SPSB4: variants seen among roughly 807,000 people sequenced by gnomAD.
SPSB4 encodes splA/ryanodine receptor domain and SOCS box containing 4.
SPSB4 carries 21 observed loss-of-function variants against 20.9 expected under a neutral mutation model. The observed-to-expected ratio is 1.01, with a 90% CI of 0.71 to 1.45. The LOEUF is 1.45. Ranked by LOEUF, SPSB4 falls within the 40% of genes most tolerant of loss-of-function variation. The probability of loss-of-function intolerance (pLI) is 0.00; values close to 1 mark genes in which losing one functional copy is unlikely to be tolerated. For synonymous variants in SPSB4, 207 were observed against 183.8 expected (o/e 1.13, Z -1.02); for missense variants, 399 against 399.2 (o/e 1.00, Z 0.00).
At chr3:141,141,954 C>T (rs1359406761) in intron 2 of SPSB4, among the ~76,000 whole-genome samples, 1 of 152,114 alleles carries the variant, frequency 6.6e-6, no homozygotes, top group Non-Finnish European at 1.5e-5. Flanking sequence ...TGGTTATTCT[C>T]ATTAATGGTC....
At chr3:141,070,324 G>A (rs1937975740) in intron 2 of SPSB4, among the ~76,000 whole-genome samples, 1 of 151,974 alleles carries the variant, frequency 6.6e-6, no homozygotes, top group Non-Finnish European at 1.5e-5. Flanking sequence ...TGTTGTTGTT[G>A]TTTTTTGTTT....
Position 141,066,245 on chromosome 3 carries a change from G to T in SPSB4, c.141G>T (p.Gly47=), listed in dbSNP as rs1937869597. The T allele has an allele frequency of 2.6e-6, 4 of 1,534,700 alleles. No individual in the cohort carries two copies. The highest frequency in any genetic ancestry group is 3.5e-6 in the Non-Finnish European group (4 of 1,141,512). The part of the protein sequence containing the change: ...LDQLLDMPAA[G]LAVQLRHAWN... ...AGCTGTTGGACATGCCAGCGGCGGG[G>T]CTGGCTGTGCAGCTGCGGCACGCGT... is the stretch of plus-strand genomic sequence containing the variant. Residue 47 remains glycine, a synonymous_variant, in exon 2 of 3, where the codon GGG becomes GGT. Transcript: ENST00000310546.
At chr3:141,071,394 T>A (rs374706499) in intron 2 of SPSB4, among the ~76,000 whole-genome samples, 4 of 152,174 alleles carry the variant, frequency 2.6e-5, no homozygotes, top group African/African-American at 9.6e-5. Flanking sequence ...GGCCTTGGGG[T>A]CCCTGGCAGC....
intron 2 of SPSB4, among the ~76,000 whole-genome samples, chr3:141,145,711 T>C (rs1176972159): frequency 6.6e-6 from 1 of 152,202 alleles, no homozygotes; most frequent in African/African-American, 2.4e-5. Context: ...CCTGGAGGAC[T>C]GGGGAAACCA....
At chr3:141,090,360 A>G (rs1248115206) in intron 2 of SPSB4, among the ~76,000 whole-genome samples, 1 of 152,230 alleles carries the variant, frequency 6.6e-6, no homozygotes. Flanking sequence ...CAGTCAGTAA[A>G]TGAACAGTAA....
At chr3:141,134,056 CTT>C (rs1222303281) in intron 2 of SPSB4, among the ~76,000 whole-genome samples, 119 of 61,622 alleles carry the variant, frequency 1.9e-3, no homozygotes, top group African/African-American at 3.8e-3. Context: ...TTTCTTTTTT[CTT>C]TTTTTTTTTT....
chr3:141,083,224 C>A (rs1045728982), intron 2 of SPSB4, among the ~76,000 whole-genome samples: 1 of 152,162 alleles, frequency 6.6e-6, no homozygotes, highest in African/African-American at 2.4e-5. Context: ...GCCTGGCCAG[C>A]TTATTTGATG....
At chr3:141,078,716 G>T (rs1008227431) in intron 2 of SPSB4, among the ~76,000 whole-genome samples, 1 of 152,214 alleles carries the variant, frequency 6.6e-6, no homozygotes, top group South Asian at 2.1e-4. Context: ...CTCCTGAGGG[G>T]CCTCTGGGTT....
chr3:141,053,230 G>A (rs1161259693), intron 1 of SPSB4, among the ~76,000 whole-genome samples: 1 of 11,356 alleles, frequency 8.8e-5, no homozygotes, highest in African/African-American at 3.9e-4. Context: ...CCCCCCACCC[G>A]CGCAATTTGA....
At chr3:141,132,598 T>C (rs1939154006) in intron 2 of SPSB4, among the ~76,000 whole-genome samples, 1 of 152,196 alleles carries the variant, frequency 6.6e-6, no homozygotes, top group South Asian at 2.1e-4. Flanking sequence ...CAGGTTGCTG[T>C]GAATGCCATT....
intron 2 of SPSB4, among the ~76,000 whole-genome samples, chr3:141,137,574 C>T (rs545850859): frequency 1.3e-5 from 2 of 152,304 alleles, no homozygotes; most frequent in East Asian, 3.9e-4. Context: ...AAGGCCTTTT[C>T]TGCATCTGTT....
At chr3:141,053,282 T>C (rs1441590789) in intron 1 of SPSB4, among the ~76,000 whole-genome samples, 1 of 139,934 alleles carries the variant, frequency 7.1e-6, no homozygotes, top group Non-Finnish European at 1.5e-5. Flanking sequence ...AAAAGCATGA[T>C]ATAAACATCC....
At chr3:141,109,165 C>G (rs747249423) in intron 2 of SPSB4, among the ~76,000 whole-genome samples, 1 of 152,116 alleles carries the variant, frequency 6.6e-6, no homozygotes, top group Non-Finnish European at 1.5e-5. Context: ...CAGAGGCAAC[C>G]GATGCTGTCA....
chr3:141,138,652 A>G (rs1212072575), intron 2 of SPSB4, among the ~76,000 whole-genome samples: 1 of 152,030 alleles, frequency 6.6e-6, no homozygotes, highest in Non-Finnish European at 1.5e-5. Context: ...GTTTTGAGTG[A>G]GTTTCTTAAT....
intron 2 of SPSB4, among the ~76,000 whole-genome samples, chr3:141,121,653 T>TC (rs1319680668): frequency 7.2e-5 from 11 of 152,256 alleles, no homozygotes; most frequent in Admixed American, 5.9e-4. Context: ...TCGCTTTATT[T>TC]CATTCATTTG....
At chr3:141,125,537 A>C (rs1321905478) in intron 2 of SPSB4, among the ~76,000 whole-genome samples, 2 of 152,218 alleles carry the variant, frequency 1.3e-5, no homozygotes, top group African/African-American at 4.8e-5. Context: ...ATCCATTAGT[A>C]TGAATTGAAG....
intron 2 of SPSB4, among the ~76,000 whole-genome samples, chr3:141,092,863 C>T (rs747861688): frequency 4.6e-5 from 7 of 152,234 alleles, no homozygotes; most frequent in African/African-American, 1.2e-4. Context: ...TCCCATTTTA[C>T]GAGGCTCAGA....
At chr3:141,134,030 C>CTTTTTTTTTTTTTTTT (rs1207127072) in intron 2 of SPSB4, among the ~76,000 whole-genome samples, 11 of 37,758 alleles carry the variant, frequency 2.9e-4, no homozygotes, top group Admixed American at 5.0e-4. Context: ...TTTTTTTTTT[C>CTTTTTTTTTTTTTTTT]TTTTCTTTTT....
At chr3:141,120,500 T>C (rs990251717) in intron 2 of SPSB4, among the ~76,000 whole-genome samples, 9 of 152,230 alleles carry the variant, frequency 5.9e-5, no homozygotes, top group African/African-American at 2.2e-4. Flanking sequence ...TGTCTAATAT[T>C]GACAGTGGGG....
Sources: allele counts gnomAD v4.1 joint callset (sites outside exome capture counted in the v4.1 genomes callset), GRCh38; gene constraint gnomAD v4.1.1; transcripts MANE v1.5; gene names NCBI Gene and HGNC (gene_info 2026-07-23, HGNC 2026-07-21).